Variants in DYNLL1 observed in about 807,000 individuals in gnomAD.
DYNLL1 encodes dynein light chain 1, cytoplasmic.
A neutral mutation model predicts 10.1 loss-of-function variants in DYNLL1; 3 were observed. The ratio of observed to expected loss-of-function variants is 0.30; its 90% CI spans 0.14 to 0.77. The LOEUF (loss-of-function observed/expected upper bound fraction) is 0.77. Among genes scored for constraint, DYNLL1 ranks in the 30% least tolerant of loss-of-function variants. DYNLL1 has a pLI of 0.66. For missense variants in DYNLL1, 47 were observed against 111.7 expected, an observed-to-expected ratio of 0.42 and a Z score of 2.61; for synonymous variants, 46 against 41.2, an observed-to-expected ratio of 1.12 and a Z score of -0.45.
At chr12:120,485,166 A>G (rs1878964221) in intron 1 of DYNLL1, among the ~76,000 whole-genome samples, 1 of 151,432 alleles carries the variant, frequency 6.6e-6, no homozygotes, top group Non-Finnish European at 1.5e-5. Context: ...GCAGTGAGCT[A>G]GGATTGCACC....
At position 120,475,405 on chromosome 12, in the gene DYNLL1, G is replaced by A. The variant is rs186387971; in HGVS notation, c.-7+5301G>A. ...GGATTAATGGGCTTCTGGGATCAGT[G>A]AACTCCTGCCTCCCTGCCCCCTCAA... is the stretch of plus-strand genomic sequence containing the variant. On this transcript the variant is annotated intron_variant, in intron 1 of 2. Coordinates refer to the DYNLL1 transcript ENST00000392509. Among the ~76,000 whole-genome samples the A allele has an allele frequency of 3.3e-5, 5 of 152,256 alleles. No individual in the cohort carries two copies. In the East Asian group the frequency reaches 7.7e-4, roughly 23 times the overall value.
At chr12:120,481,301 G>A (rs1878874968) in intron 1 of DYNLL1, among the ~76,000 whole-genome samples, 1 of 151,974 alleles carries the variant, frequency 6.6e-6, no homozygotes, top group Admixed American at 6.6e-5. Flanking sequence ...ATTCAGTTCT[G>A]ACACTAACTA....
At chr12:120,481,950 GT>G in intron 1 of DYNLL1, among the ~76,000 whole-genome samples, 1 of 152,228 alleles carries the variant, frequency 6.6e-6, no homozygotes, top group East Asian at 1.9e-4. Flanking sequence ...CTGGACTCAA[GT>G]GATCCTCCCG....
chr12:120,483,608 T>C (rs1168225685), intron 1 of DYNLL1, among the ~76,000 whole-genome samples: 2 of 151,486 alleles, frequency 1.3e-5, no homozygotes, highest in East Asian at 3.9e-4. Context: ...GACAGATGCC[T>C]GTTAGACATC....
intron 1 of DYNLL1, 81 bp from the exon 2 acceptor site, chr12:120,496,335 T>C: frequency 6.3e-7 from 1 of 1,575,890 alleles, no homozygotes; most frequent in African/African-American, 1.4e-5. Flanking sequence ...CGTCCCGTGG[T>C]GGCGCCGGCC....
intron 1 of DYNLL1, among the ~76,000 whole-genome samples, chr12:120,476,890 G>C (rs1878765341): frequency 6.6e-6 from 1 of 151,478 alleles, no homozygotes; most frequent in Non-Finnish European, 1.5e-5. Context: ...GGGATTACAG[G>C]CATGAGCCAC....
intron 1 of DYNLL1, among the ~76,000 whole-genome samples, chr12:120,476,926 TGTTTTTTTTG>T (rs1878767075): frequency 1.4e-5 from 2 of 145,782 alleles, no homozygotes; most frequent in African/African-American, 5.1e-5. Context: ...TTTTTTGTTT[TGTTTTTTTTG>T]TTTTTTTTTT....
chr12:120,496,193 A>G lies in DYNLL1; in HGVS notation c.-30A>G. The stretch of plus-strand genomic sequence containing the variant: ...AGCACCTCCCCCAGGAGACCGTTGC[A>G]GTCGGCCAGCCCCCTTCTCCACGGT... On this transcript the variant is annotated 5_prime_UTR_variant, in exon 1 of 3. Transcript: ENST00000242577. 1 of 637,192 alleles carries G rather than the reference A, an allele frequency of 1.6e-6. No homozygotes were observed. The highest frequency in any genetic ancestry group is 2.7e-6 in the Non-Finnish European group (1 of 369,222). 39.5% of individuals were successfully genotyped at this position (637,192 alleles called of 1,614,324 possible).
chr12:120,475,266 A>G (rs890263171), intron 1 of DYNLL1, among the ~76,000 whole-genome samples: 3 of 152,230 alleles, frequency 2.0e-5, no homozygotes, highest in African/African-American at 4.8e-5. Flanking sequence ...ATATGAAGTT[A>G]CTTCAAGTGA....
chr12:120,476,139 A>G (rs1246879725), intron 1 of DYNLL1, among the ~76,000 whole-genome samples: 2 of 152,180 alleles, frequency 1.3e-5, no homozygotes, highest in African/African-American at 2.4e-5. Context: ...ATGTTTTTCA[A>G]TGCAACAAAA....
chr12:120,473,692 CAAAAAA>C (rs1227211097), intron 1 of DYNLL1, among the ~76,000 whole-genome samples: 2 of 75,448 alleles, frequency 2.7e-5, no homozygotes, highest in Non-Finnish European at 5.4e-5. Context: ...GACTCTGTCT[CAAAAAA>C]AAAAAAAAAA....
chr12:120,479,819 A>G (rs1442241907), intron 1 of DYNLL1, among the ~76,000 whole-genome samples: 2 of 152,206 alleles, frequency 1.3e-5, no homozygotes, highest in South Asian at 2.1e-4. Context: ...TAGTGCCACA[A>G]GCTACTTACA....
intron 1 of DYNLL1, among the ~76,000 whole-genome samples, chr12:120,470,545 C>T (rs756910382): frequency 6.6e-6 from 1 of 152,160 alleles, no homozygotes; most frequent in African/African-American, 2.4e-5. Context: ...CGGCTCACTG[C>T]AGTCTCGATC....
upstream of DYNLL1, among the ~76,000 whole-genome samples, chr12:120,492,724 A>C (rs999570153): frequency 2.6e-5 from 4 of 152,184 alleles, no homozygotes; most frequent in African/African-American, 9.7e-5. This position sits in a 1 kb window ranked among gnomAD's most constrained non-coding sequence, Gnocchi z 4.1. Flanking sequence ...CAAGAATGAA[A>C]AATGCAGGTT....
intron 1 of DYNLL1, 84 bp downstream of exon 1, chr12:120,496,300 TC>T: frequency 2.8e-6 from 4 of 1,451,484 alleles, no homozygotes; most frequent in Non-Finnish European, 2.8e-6. Flanking sequence ...AGCCCGCGCT[TC>T]CTGAGAAGTG....
At chr12:120,479,015 T>C (rs578088390) in intron 1 of DYNLL1, among the ~76,000 whole-genome samples, 2 of 147,310 alleles carry the variant, frequency 1.4e-5, no homozygotes, top group East Asian at 4.5e-4. Context: ...AATACAAAAA[T>C]TAGCTGGGCA....
chr12:120,480,764 CTTTTTTTT>C (rs770507117), intron 1 of DYNLL1, among the ~76,000 whole-genome samples: 1 of 141,434 alleles, frequency 7.1e-6, no homozygotes, highest in African/African-American at 2.6e-5. Context: ...AAGCATTTTT[CTTTTTTTT>C]TTTTTTTGAG....
At chr12:120,494,046 T>C (rs1879204575), upstream of DYNLL1, 1 of 150,458 alleles carries the variant, frequency 6.6e-6, no homozygotes, top group Non-Finnish European at 1.5e-5. Context: ...GAGGATGATT[T>C]AGGAAATTTC....
intron 1 of DYNLL1, among the ~76,000 whole-genome samples, chr12:120,473,510 C>T (rs1592996252): frequency 6.6e-6 from 1 of 151,702 alleles, no homozygotes; most frequent in Admixed American, 6.6e-5. Context: ...GCCTGGTCAA[C>T]ATGGCAAAAC....
Sources: gnomAD v4.1 joint callset for allele counts (sites outside exome capture counted in the v4.1 genomes callset) on GRCh38, gnomAD v4.1.1 for gene constraint, Gnocchi (gnomAD v3.1) non-coding constraint, MANE v1.5 for transcripts, NCBI Gene and HGNC (gene_info 2026-07-23, HGNC 2026-07-21) for gene names.